Variants in PCDHA12 observed in about 807,000 individuals in gnomAD.
The protein encoded by PCDHA12 is protocadherin alpha-12.
In PCDHA12, 44 loss-of-function variants were observed where a neutral mutation model predicts 60.0. That is an observed-to-expected ratio of 0.73 (90% CI 0.58 to 0.94). The LOEUF is 0.94. PCDHA12 is among the 40% of genes least tolerant of loss of function. The pLI is 0.00. For synonymous variants in PCDHA12, 569 were observed against 553.0 expected (o/e 1.03, Z -0.40); for missense variants, 1,276 against 1,239.7 (o/e 1.03, Z -0.44).
At chr5:140,952,161 G>A (rs1002170545) in intron 1 of PCDHA12, among the ~76,000 whole-genome samples, 1 of 152,046 alleles carries the variant, frequency 6.6e-6, no homozygotes, top group Non-Finnish European at 1.5e-5. Flanking sequence ...GCTTTGTGGG[G>A]TTCAGTTCCT....
In PCDHA12 at chr5:140,969,339, A is replaced by G. The variant is rs1563390643; in HGVS notation, c.2368-9610A>G. On this transcript the variant is annotated intron_variant, in intron 1 of 3. Transcript: ENST00000398631. ...GCTGTTTCTCAAAATGAGGTGAGAC[A>G]GTGGTCAGGGGGTCTTCTACAAACT... 5 of 1,613,830 alleles carry G rather than the reference A, an allele frequency of 3.1e-6. No homozygotes were observed. The South Asian group carries it at 4.4e-5, about 14-fold the overall frequency.
At chr5:140,903,917 T>C (rs2070714744) in intron 1 of PCDHA12, among the ~76,000 whole-genome samples, 1 of 152,258 alleles carries the variant, frequency 6.6e-6, no homozygotes, top group Non-Finnish European at 1.5e-5. Flanking sequence ...GTGACTTCCT[T>C]GCTGCATTGG....
chr5:140,902,211 T>C (rs1256912603), intron 1 of PCDHA12, among the ~76,000 whole-genome samples: 4 of 150,332 alleles, frequency 2.7e-5, no homozygotes, highest in African/African-American at 9.8e-5. Context: ...TTCTTTTTTT[T>C]TTTTTTTTTT....
rs1554169810 is a variant in PCDHA12, at chr5:140,877,527, C to A, written c.2055C>A (p.Gly685=). The change falls in exon 1 of 4, where the codon GGC becomes GGA. Residue 685 remains glycine, a synonymous_variant. Transcript: ENST00000398631. The part of the protein sequence containing the change: ...APKTSSRASV[G]AVDPEAALVD... ...AGACGTCGTCGCGGGCCTCAGTGGG[C>A]GCTGTGGATCCCGAAGCGGCTCTGG... The A allele has an allele frequency of 6.2e-7, 1 of 1,613,642 alleles. No individual in the cohort carries two copies. The highest frequency in any genetic ancestry group is 2.2e-5 in the East Asian group (1 of 44,892).
At chr5:140,956,933 A>G (rs1243678543) in intron 1 of PCDHA12, among the ~76,000 whole-genome samples, 1 of 151,594 alleles carries the variant, frequency 6.6e-6, no homozygotes, top group Non-Finnish European at 1.5e-5. Flanking sequence ...TGGATATAGG[A>G]TAAAATTTAC....
intron 3 of PCDHA12, among the ~76,000 whole-genome samples, chr5:140,999,024 T>C (rs17119348): frequency 0.023 from 3,497 of 152,332 alleles, 138 homozygotes; most frequent in African/African-American, 0.08. Context: ...CCAAGACTTT[T>C]GATACTTCGT....
At chr5:140,895,130 G>A (rs1423440826) in intron 1 of PCDHA12, among the ~76,000 whole-genome samples, 11 of 152,232 alleles carry the variant, frequency 7.2e-5, no homozygotes, top group African/African-American at 2.6e-4. Flanking sequence ...TAGTTGACAA[G>A]TTCATAGGGC....
intron 1 of PCDHA12, among the ~76,000 whole-genome samples, chr5:140,886,192 G>A (rs2060891690): frequency 6.6e-6 from 1 of 152,118 alleles, no homozygotes; most frequent in Non-Finnish European, 1.5e-5. Context: ...CTGGCAAGCA[G>A]TAATCTGTTC....
chr5:141,003,574 A>T (rs559561339), intron 3 of PCDHA12, among the ~76,000 whole-genome samples: 1 of 151,680 alleles, frequency 6.6e-6, no homozygotes, highest in African/African-American at 2.4e-5. Context: ...CAGACTCCCA[A>T]AGTGCTGGGA....
In PCDHA12 at chr5:141,011,249, G is replaced by A. The variant is rs1159894108; in HGVS notation, c.*1312G>A. The A allele has an allele frequency of 6.5e-6, 1 of 153,682 alleles. No homozygotes were observed. The highest frequency in any genetic ancestry group is 1.5e-5 in the Non-Finnish European group (1 of 68,038). The allele number at this position is 153,682 out of a possible 1,614,324, so 9.5% of individuals were successfully genotyped here. On this transcript the variant is annotated 3_prime_UTR_variant, in exon 4 of 4. Coordinates refer to ENST00000398631, the MANE Select transcript of PCDHA12 (RefSeq NM_018903.4). ...TACTAATTCTGTGACTTGTCTTGGT[G>A]TGCTAGCCTACACCTTCTCTTTGGT... is the stretch of plus-strand genomic sequence containing the variant.
intron 1 of PCDHA12, among the ~76,000 whole-genome samples, chr5:140,895,655 A>G (rs2065093360): frequency 6.6e-6 from 1 of 152,154 alleles, no homozygotes. Context: ...TCCCACTTAT[A>G]AGTGAGAACA....
chr5:140,939,499 A>G (rs1467638389), intron 1 of PCDHA12, among the ~76,000 whole-genome samples: 1 of 152,234 alleles, frequency 6.6e-6, no homozygotes, highest in African/African-American at 2.4e-5. Flanking sequence ...TATAAATTCA[A>G]TGTCTATAAC....
intron 1 of PCDHA12, among the ~76,000 whole-genome samples, chr5:140,949,891 T>G (rs2094429972): frequency 6.6e-6 from 1 of 151,864 alleles, no homozygotes; most frequent in African/African-American, 2.4e-5. Context: ...TTCCTCAGAA[T>G]CTCTTTTAAT....
chr5:140,960,482 G>GTGTA (rs1585840878), intron 1 of PCDHA12, among the ~76,000 whole-genome samples: 1 of 152,150 alleles, frequency 6.6e-6, no homozygotes, highest in Non-Finnish European at 1.5e-5. Context: ...TTACACAGAG[G>GTGTA]TGTAGGTTTG....
intron 1 of PCDHA12, among the ~76,000 whole-genome samples, chr5:140,894,069 T>C (rs1209752630): frequency 2.6e-5 from 4 of 152,196 alleles, no homozygotes; most frequent in African/African-American, 9.6e-5. Flanking sequence ...TTTAAATACA[T>C]TTATTTTATT....
intron 1 of PCDHA12, among the ~76,000 whole-genome samples, chr5:140,909,265 G>A (rs1289313376): frequency 3.3e-5 from 5 of 152,192 alleles, no homozygotes; most frequent in Non-Finnish European, 7.3e-5. Flanking sequence ...CTGACTGAAG[G>A]CAAATTGCTT....
intron 1 of PCDHA12, among the ~76,000 whole-genome samples, chr5:140,904,695 G>A (rs1276696069): frequency 2.0e-5 from 3 of 152,024 alleles, no homozygotes; most frequent in Admixed American, 2.0e-4. Flanking sequence ...GTGTAAAATT[G>A]TTCCCTTTTC....
chr5:140,966,710 G>A, intron 1 of PCDHA12: 1 of 1,391,664 alleles, frequency 7.2e-7, no homozygotes, highest in Non-Finnish European at 9.3e-7. Flanking sequence ...GTGGGGCACG[G>A]CTGGGGAAGC....
intron 1 of PCDHA12, among the ~76,000 whole-genome samples, chr5:140,917,447 A>T (rs155358): frequency 0.58 from 87,947 of 151,944 alleles, 26,404 homozygotes; most frequent in African/African-American, 0.75. Flanking sequence ...TTGCTGCAAG[A>T]GCGTTTGGCA....
Sources: allele counts gnomAD v4.1 joint callset (sites outside exome capture counted in the v4.1 genomes callset), GRCh38; gene constraint gnomAD v4.1.1; transcripts MANE v1.5; gene names NCBI Gene and HGNC (gene_info 2026-07-23, HGNC 2026-07-21).